The following ADAMTSL1 variants were observed in gnomAD, a reference collection of about 807,000 sequenced individuals.
ADAMTSL1 encodes ADAMTS like 1, also known as ADAMTS-like protein 1.
In ADAMTSL1, 126 loss-of-function variants were observed where a neutral mutation model predicts 201.8. The ratio of observed to expected loss-of-function variants is 0.62; its 90% CI spans 0.54 to 0.72. ADAMTSL1 has a LOEUF of 0.72. Among genes scored for constraint, ADAMTSL1 ranks in the 30% least tolerant of loss-of-function variants. ADAMTSL1 has a pLI of 0.00. For synonymous variants in ADAMTSL1, 1,121 were observed against 903.4 expected, an observed-to-expected ratio of 1.24 and a Z score of -4.32; for missense variants, 2,679 against 2,277.8, an observed-to-expected ratio of 1.18 and a Z score of -3.59.
intron 23 of ADAMTSL1, among the ~76,000 whole-genome samples, chr9:18,832,957 G>A (rs548925264): frequency 6.6e-6 from 1 of 152,310 alleles, no homozygotes; most frequent in African/African-American, 2.4e-5. Context: ...TAAGCCATGT[G>A]TCAGAGCTCA....
At chr9:18,160,162 T>A (rs1181997157) in intron 1 of ADAMTSL1, among the ~76,000 whole-genome samples, 1 of 152,138 alleles carries the variant, frequency 6.6e-6, no homozygotes, top group South Asian at 2.1e-4. Context: ...CTCTAAGGAA[T>A]GCTTTGGTGT....
At chr9:18,216,648 CT>C (rs5896775) in intron 2 of ADAMTSL1, among the ~76,000 whole-genome samples, 54,900 of 133,890 alleles carry the variant, frequency 0.41, 11,285 homozygotes, top group East Asian at 0.66. Flanking sequence ...TCTTGCTCTC[CT>C]TTTTTTTTTT....
intron 2 of ADAMTSL1, among the ~76,000 whole-genome samples, chr9:18,506,756 C>G (rs779148734): frequency 6.6e-6 from 1 of 152,042 alleles, no homozygotes; most frequent in Non-Finnish European, 1.5e-5. Context: ...CCCTATTTTA[C>G]TTTCAAGTAT....
chr9:18,686,093 A>G (rs535697624), intron 13 of ADAMTSL1, among the ~76,000 whole-genome samples: 1 of 151,350 alleles, frequency 6.6e-6, no homozygotes, highest in East Asian at 1.9e-4. Context: ...TATGTTTTTA[A>G]TTTTTTTTGC....
intron 5 of ADAMTSL1, among the ~76,000 whole-genome samples, chr9:18,626,846 T>A (rs1437205838): frequency 1.6e-4 from 20 of 128,998 alleles, no homozygotes; most frequent in African/African-American, 6.5e-4. Flanking sequence ...TCTTTTTCTT[T>A]CTTTCTTTCT....
At chr9:17,950,622 G>C (rs1827698346) in intron 1 of ADAMTSL1, among the ~76,000 whole-genome samples, 1 of 151,726 alleles carries the variant, frequency 6.6e-6, no homozygotes, top group Admixed American at 6.6e-5. Context: ...TGATACATAA[G>C]AGAACTGGTT....
At position 18,800,547 on chromosome 9, in the gene ADAMTSL1, T is replaced by G. The variant is rs533600582; in HGVS notation, c.3805+5023T>G. Among the ~76,000 whole-genome samples, 5 of 152,262 alleles carry G rather than the reference T, an allele frequency of 3.3e-5. No individual in the cohort carries two copies. In the South Asian group the frequency reaches 1.0e-3, roughly 32 times the overall value. On this transcript the variant is annotated intron_variant, in intron 20 of 28. Transcript: ENST00000380548. Reference sequence around the variant, plus strand: ...AAGTTTTTCTCAGTAAGTACAGATGTAGAGAATGCCCACCAAAGACCCCAA... The same window carrying G: ...AAGTTTTTCTCAGTAAGTACAGATGGAGAGAATGCCCACCAAAGACCCCAA...
chr9:18,530,437 T>C (rs918565690), intron 2 of ADAMTSL1, among the ~76,000 whole-genome samples: 2 of 152,140 alleles, frequency 1.3e-5, no homozygotes, highest in African/African-American at 4.8e-5. Flanking sequence ...CCATTGAATC[T>C]CCTCCGTTTT....
intron 14 of ADAMTSL1, among the ~76,000 whole-genome samples, chr9:18,712,408 G>C (rs1455497066): frequency 1.3e-5 from 2 of 151,658 alleles, no homozygotes; most frequent in African/African-American, 4.8e-5. Flanking sequence ...GCTTAAAGGA[G>C]CTGATGGAGC....
intron 2 of ADAMTSL1, among the ~76,000 whole-genome samples, chr9:18,171,674 T>C (rs1827896661): frequency 6.6e-6 from 1 of 152,200 alleles, no homozygotes; most frequent in Non-Finnish European, 1.5e-5. Context: ...GCAGAAGCTC[T>C]TCAGTTTAAT....
intron 1 of ADAMTSL1, among the ~76,000 whole-genome samples, chr9:18,122,470 C>A (rs151089286): frequency 7.2e-5 from 11 of 152,236 alleles, no homozygotes; most frequent in African/African-American, 2.6e-4. Flanking sequence ...CCTCCTTTCT[C>A]TTAGAATGAG....
At position 17,949,002 on chromosome 9, in the gene ADAMTSL1, T is replaced by C. The variant is rs573933657; in HGVS notation, c.87+42080T>C. On this transcript the variant is annotated intron_variant, in intron 1 of 29. Coordinates refer to the ADAMTSL1 transcript ENST00000680146. ...ATCAGATAGCTAGTTAAAAAATATCTGTATGATTCTGAAATTTTATCCCAC... is the reference window on the plus strand; with the variant it reads ...ATCAGATAGCTAGTTAAAAAATATCCGTATGATTCTGAAATTTTATCCCAC... Among the ~76,000 whole-genome samples the C allele has an allele frequency of 7.2e-5, 11 of 152,314 alleles. No individual in the cohort carries two copies. The South Asian group carries it at 2.1e-3, about 29-fold the overall frequency.
At chr9:18,526,752 A>G (rs1424742811) in intron 2 of ADAMTSL1, among the ~76,000 whole-genome samples, 1 of 152,190 alleles carries the variant, frequency 6.6e-6, no homozygotes, top group African/African-American at 2.4e-5. Context: ...CTCCTGCAGT[A>G]TAGCTCCAGT....
chr9:18,908,168 G>T, intron 28 of ADAMTSL1: 5 of 473,862 alleles, frequency 1.1e-5, no homozygotes, highest in South Asian at 1.0e-4. Context: ...TCAGGAAGTA[G>T]AGGGAGCTGC....
intron 13 of ADAMTSL1, chr9:18,685,050 T>C: frequency 6.4e-6 from 7 of 1,085,394 alleles, no homozygotes; most frequent in Non-Finnish European, 8.0e-6. Context: ...TTCTCCAAAA[T>C]CTGACCTCCT....
chr9:18,901,426 C>T (rs1830011744), intron 26 of ADAMTSL1, among the ~76,000 whole-genome samples: 1 of 152,074 alleles, frequency 6.6e-6, no homozygotes, highest in Admixed American at 6.5e-5. Flanking sequence ...CATAGCTCCA[C>T]TTTTTATTTT....
chr9:18,548,847 A>T (rs1215842770), intron 3 of ADAMTSL1, among the ~76,000 whole-genome samples: 1 of 152,068 alleles, frequency 6.6e-6, no homozygotes, highest in Non-Finnish European at 1.5e-5. Context: ...GCAATTCAAA[A>T]ATCTAGTAAT....
intron 2 of ADAMTSL1, among the ~76,000 whole-genome samples, chr9:18,406,417 C>T (rs904004441): frequency 6.6e-6 from 1 of 151,818 alleles, no homozygotes; most frequent in Non-Finnish European, 1.5e-5. Context: ...CAACCTCCGC[C>T]TCCTGGGTTC....
chr9:18,469,791 G>A (rs1360753216), upstream of ADAMTSL1, among the ~76,000 whole-genome samples: 1 of 152,206 alleles, frequency 6.6e-6, no homozygotes, highest in African/African-American at 2.4e-5. Flanking sequence ...AGTAGCTTCT[G>A]CCTCACTTCC....
Sources: gnomAD v4.1 joint callset for allele counts (sites outside exome capture counted in the v4.1 genomes callset) on GRCh38, gnomAD v4.1.1 for gene constraint, MANE v1.5 for transcripts, NCBI Gene and HGNC (gene_info 2026-07-23, HGNC 2026-07-21) for gene names.